BIRC6: variants seen among roughly 807,000 people sequenced by gnomAD.
BIRC6 encodes baculoviral IAP repeat containing 6, also known as dual E2 ubiquitin-conjugating enzyme/E3 ubiquitin-protein ligase BIRC6.
A neutral mutation model predicts 503.3 loss-of-function variants in BIRC6; 98 were observed. The ratio of observed to expected loss-of-function variants is 0.19; its 90% CI spans 0.17 to 0.23. The LOEUF (loss-of-function observed/expected upper bound fraction) is 0.23, where lower values mean the gene tolerates loss of function less well. Among genes scored for constraint, BIRC6 ranks in the 10% least tolerant of loss-of-function variants. The pLI is 1.00. For missense variants in BIRC6, 5,360 were observed against 5,806.0 expected (o/e 0.92, Z 2.50); for synonymous variants, 2,240 against 2,078.7 (o/e 1.08, Z -2.11).
chr2:32,580,332 T>G (rs1405222324), intron 66 of BIRC6, among the ~76,000 whole-genome samples: 1 of 152,144 alleles, frequency 6.6e-6, no homozygotes, highest in Non-Finnish European at 1.5e-5. Context: ...TCAATCCAGA[T>G]TTGGAGGCCT....
chr2:32,428,529 C>A (rs1040470767), intron 10 of BIRC6, among the ~76,000 whole-genome samples: 4 of 152,162 alleles, frequency 2.6e-5, no homozygotes, highest in African/African-American at 9.7e-5. Flanking sequence ...TTTATAGTTG[C>A]CTTTCAGGAA....
chr2:32,449,760 G>T (rs1450863930), intron 22 of BIRC6, among the ~76,000 whole-genome samples: 1 of 152,146 alleles, frequency 6.6e-6, no homozygotes, highest in Non-Finnish European at 1.5e-5. Context: ...ACCCTCTTAG[G>T]TTACTATTGT....
At chr2:32,592,918 G>C (rs2061472790) in intron 66 of BIRC6, among the ~76,000 whole-genome samples, 1 of 152,098 alleles carries the variant, frequency 6.6e-6, no homozygotes, top group Admixed American at 6.6e-5. Context: ...TTCTTCTACT[G>C]TCTGTTACTC....
intron 10 of BIRC6, among the ~76,000 whole-genome samples, chr2:32,423,585 A>G (rs571524744): frequency 2.0e-5 from 3 of 152,200 alleles, no homozygotes; most frequent in South Asian, 2.1e-4. Context: ...TTCACTCAGC[A>G]TATTTTTTAT....
intron 8 of BIRC6, among the ~76,000 whole-genome samples, chr2:32,403,178 C>A (rs1381722831): frequency 6.6e-6 from 1 of 152,160 alleles, no homozygotes; most frequent in African/African-American, 2.4e-5. Flanking sequence ...CTCTTCACTT[C>A]CCCTCCCCAA....
intron 65 of BIRC6, chr2:32,557,745 G>T (rs1254268615): frequency 6.6e-6 from 1 of 152,112 alleles, no homozygotes; most frequent in African/African-American, 2.4e-5. Context: ...TCACTAAGAG[G>T]TTAAGTACTG....
At chr2:32,418,887 G>A (rs146559159) in intron 10 of BIRC6, among the ~76,000 whole-genome samples, 95 of 152,322 alleles carry the variant, frequency 6.2e-4, no homozygotes, top group African/African-American at 2.2e-3. Flanking sequence ...GGAGAAGGTT[G>A]CAGTGAGCTG....
In BIRC6 at chr2:32,511,908, A is replaced by G. The variant is rs1443186818; in HGVS notation, c.10347-1025A>G. On this transcript the variant is annotated intron_variant, in intron 53 of 73. Coordinates refer to ENST00000421745, the MANE Select transcript of BIRC6 (RefSeq NM_016252.4). ...CAATTTGTGCCAAATTTGAATCATA[A>G]TCGTTAGTAGTGGTTAAAATATATT... Among the ~76,000 whole-genome samples, 7 of 152,152 alleles carry G rather than the reference A, an allele frequency of 4.6e-5. No individual in the cohort carries two copies. In the East Asian group the frequency reaches 7.7e-4, roughly 17 times the overall value.
At chr2:32,478,553 A>G (rs767219496) in intron 35 of BIRC6, 82 bp from the exon 36 acceptor site, 6 of 1,277,892 alleles carry the variant, frequency 4.7e-6, no homozygotes, top group Non-Finnish European at 6.5e-6. Flanking sequence ...GTTCAGTGCT[A>G]AAGTATTGGT....
At chr2:32,393,946 C>T (rs923551342) in intron 5 of BIRC6, among the ~76,000 whole-genome samples, 1 of 145,534 alleles carries the variant, frequency 6.9e-6, no homozygotes, top group East Asian at 2.0e-4. Flanking sequence ...AACCAGAAAA[C>T]TATATATATA....
intron 10 of BIRC6, among the ~76,000 whole-genome samples, chr2:32,427,548 G>A (rs931985631): frequency 6.6e-6 from 1 of 152,056 alleles, no homozygotes; most frequent in Non-Finnish European, 1.5e-5. Context: ...CGTCTCCCAA[G>A]GTGCTGGGAT....
chr2:32,416,967 C>G (rs182746438), intron 10 of BIRC6, among the ~76,000 whole-genome samples: 1 of 152,122 alleles, frequency 6.6e-6, no homozygotes, highest in Non-Finnish European at 1.5e-5. Context: ...TCCCAAGTAG[C>G]TGGGATTACA....
intron 50 of BIRC6, among the ~76,000 whole-genome samples, chr2:32,507,628 A>C (rs919266744): frequency 6.6e-6 from 1 of 152,228 alleles, no homozygotes. Context: ...ATTATTTGTG[A>C]TAATTTTGAG....
intron 60 of BIRC6, among the ~76,000 whole-genome samples, chr2:32,530,661 A>G (rs1572842328): frequency 6.6e-6 from 1 of 152,114 alleles, no homozygotes; most frequent in African/African-American, 2.4e-5. Flanking sequence ...TAGTTTTCAT[A>G]GTGTGAGTAT....
intron 66 of BIRC6, among the ~76,000 whole-genome samples, chr2:32,582,165 A>G (rs980866247): frequency 6.6e-5 from 10 of 152,178 alleles, no homozygotes; most frequent in African/African-American, 1.9e-4. Flanking sequence ...GGCCTGATCT[A>G]TAATTTAGAT....
intron 4 of BIRC6, 63 bp from the exon 5 acceptor site, chr2:32,391,976 A>T: frequency 1.8e-6 from 2 of 1,114,410 alleles, no homozygotes; most frequent in Admixed American, 2.6e-5. Context: ...TTGCATTGTT[A>T]AATAGAAGTT....
chr2:32,391,714 C>T (rs1200731089), intron 4 of BIRC6, among the ~76,000 whole-genome samples: 29 of 152,310 alleles, frequency 1.9e-4, no homozygotes, highest in African/African-American at 6.3e-4. Context: ...AGTTTACTAT[C>T]GTCCTTTAAA....
intron 61 of BIRC6, among the ~76,000 whole-genome samples, chr2:32,541,423 A>T (rs1159095663): frequency 6.6e-6 from 1 of 152,098 alleles, no homozygotes; most frequent in Non-Finnish European, 1.5e-5. Context: ...CTTAAGACTG[A>T]TCTAAGCTGT....
At chr2:32,441,865 GTTACA>G (rs1463577598) in intron 17 of BIRC6, among the ~76,000 whole-genome samples, 195 bp from the exon 18 acceptor site, 7 of 152,076 alleles carry the variant, frequency 4.6e-5, no homozygotes, top group Non-Finnish European at 1.0e-4. Flanking sequence ...CACATTCCAT[GTTACA>G]TTACAACACA....
Sources: gnomAD v4.1 joint callset for allele counts (sites outside exome capture counted in the v4.1 genomes callset) on GRCh38, gnomAD v4.1.1 for gene constraint, MANE v1.5 for transcripts, NCBI Gene and HGNC (gene_info 2026-07-23, HGNC 2026-07-21) for gene names.